The following CCSER1 variants were observed in gnomAD, a reference collection of about 807,000 sequenced individuals.
The protein encoded by CCSER1 is serine-rich coiled-coil domain-containing protein 1.
A neutral mutation model predicts 82.0 loss-of-function variants in CCSER1; 41 were observed. That is an observed-to-expected ratio of 0.50 (90% CI 0.39 to 0.65). CCSER1 has a LOEUF of 0.65. CCSER1 is among the 30% of genes least tolerant of loss of function. The pLI, the probability that CCSER1 is intolerant of heterozygous loss-of-function variation, is 0.00. For synonymous variants in CCSER1, 414 were observed against 383.9 expected, an observed-to-expected ratio of 1.08 and a Z score of -0.92; for missense variants, 1,119 against 1,064.2, an observed-to-expected ratio of 1.05 and a Z score of -0.72.
intron 10 of CCSER1, among the ~76,000 whole-genome samples, chr4:91,388,286 T>G (rs1453674308): frequency 1.3e-5 from 2 of 152,094 alleles, no homozygotes; most frequent in Non-Finnish European, 2.9e-5. Flanking sequence ...TGTCTTAATT[T>G]TATAAATAAG....
chr4:90,279,700 C>T (rs182146214), intron 1 of CCSER1, among the ~76,000 whole-genome samples: 200 of 152,112 alleles, frequency 1.3e-3, no homozygotes, highest in African/African-American at 4.7e-3. Flanking sequence ...GAGAGCCTTA[C>T]AGTCATACCT....
At chr4:91,385,484 T>A (rs1751226879) in intron 10 of CCSER1, among the ~76,000 whole-genome samples, 1 of 151,976 alleles carries the variant, frequency 6.6e-6, no homozygotes. Context: ...TGACTATGCT[T>A]TTCTGCATTG....
chr4:91,175,825 T>A (rs1204763875), intron 10 of CCSER1, among the ~76,000 whole-genome samples: 1 of 152,226 alleles, frequency 6.6e-6, no homozygotes, highest in Non-Finnish European at 1.5e-5. Flanking sequence ...GCTCTTTAGT[T>A]TAATTAGATC....
At chr4:90,784,368 A>G (rs1754194671) in intron 7 of CCSER1, among the ~76,000 whole-genome samples, 1 of 152,218 alleles carries the variant, frequency 6.6e-6, no homozygotes, top group African/African-American at 2.4e-5. Flanking sequence ...TCATAAATGC[A>G]TATGCTGATT....
chr4:91,521,560 A>G (rs1760472991), intron 10 of CCSER1, among the ~76,000 whole-genome samples: 1 of 152,088 alleles, frequency 6.6e-6, no homozygotes, highest in African/African-American at 2.4e-5. Flanking sequence ...TGACTTTTTA[A>G]TGATCACCAT....
intron 10 of CCSER1, among the ~76,000 whole-genome samples, chr4:91,266,572 A>C (rs1046378940): frequency 6.6e-6 from 1 of 152,010 alleles, no homozygotes; most frequent in Non-Finnish European, 1.5e-5. Context: ...TTTGAGGAAG[A>C]CGCTTTCCTG....
At chr4:91,032,014 TCA>T in intron 9 of CCSER1, among the ~76,000 whole-genome samples, 1 of 152,218 alleles carries the variant, frequency 6.6e-6, no homozygotes, top group South Asian at 2.1e-4. Context: ...AGCTATTTTG[TCA>T]CTTCAACCAG....
At position 90,705,757 on chromosome 4, in the gene CCSER1, G is replaced by A. The variant is rs561344165; in HGVS notation, c.1933-18157G>A. On this transcript the variant is annotated intron_variant, in intron 6 of 10. Coordinates refer to ENST00000509176, the MANE Select transcript of CCSER1 (RefSeq NM_001145065.2). Reference sequence around the variant, plus strand: ...TAGCAATGAGCGAGGCTCCATGGTCGTGGGACCCTCCGAGCCAGGCTCAGA... The same window carrying A: ...TAGCAATGAGCGAGGCTCCATGGTCATGGGACCCTCCGAGCCAGGCTCAGA... Among the ~76,000 whole-genome samples the A allele has an allele frequency of 7.9e-5, 12 of 152,338 alleles. No homozygotes were observed. In the East Asian group the frequency reaches 1.4e-3, roughly 17 times the overall value.
chr4:91,596,802 G>C (rs925586219), intron 10 of CCSER1, among the ~76,000 whole-genome samples: 1 of 151,884 alleles, frequency 6.6e-6, no homozygotes, highest in African/African-American at 2.4e-5. Flanking sequence ...ATTCACAGAG[G>C]GGGGTCTGCT....
At chr4:90,616,680 GTC>G (rs1236323999) in intron 5 of CCSER1, among the ~76,000 whole-genome samples, 23 of 120,964 alleles carry the variant, frequency 1.9e-4, no homozygotes, top group South Asian at 2.8e-4. Flanking sequence ...GTGTGGCTCT[GTC>G]TCACACACAC....
intron 3 of CCSER1, among the ~76,000 whole-genome samples, chr4:90,375,290 A>G (rs1177210157): frequency 1.3e-5 from 2 of 152,160 alleles, no homozygotes; most frequent in East Asian, 3.8e-4. Context: ...TCTGTGTTGG[A>G]TTTAATAAAA....
chr4:90,547,654 A>G (rs1253755303), intron 5 of CCSER1, among the ~76,000 whole-genome samples: 2 of 152,158 alleles, frequency 1.3e-5, no homozygotes, highest in Non-Finnish European at 2.9e-5. Flanking sequence ...TCAGAAAATA[A>G]CATTCTAAGG....
intron 9 of CCSER1, among the ~76,000 whole-genome samples, chr4:91,075,811 T>G (rs775020705): frequency 3.9e-5 from 6 of 152,144 alleles, no homozygotes; most frequent in Non-Finnish European, 8.8e-5. Flanking sequence ...ATGTTATTTC[T>G]TAGTTAGTTG....
chr4:91,098,259 T>G (rs1007577210), intron 10 of CCSER1, among the ~76,000 whole-genome samples: 4 of 152,214 alleles, frequency 2.6e-5, no homozygotes, highest in African/African-American at 4.8e-5. Flanking sequence ...GTTTATCTTT[T>G]GAGGAATTAA....
chr4:90,440,945 AT>A (rs1467718720), intron 4 of CCSER1, among the ~76,000 whole-genome samples: 1 of 151,872 alleles, frequency 6.6e-6, no homozygotes, highest in Non-Finnish European at 1.5e-5. Flanking sequence ...AGCTTCGAGG[AT>A]TTTCTTCTGA....
chr4:90,854,513 G>A (rs1450234185), intron 8 of CCSER1, among the ~76,000 whole-genome samples: 1 of 152,130 alleles, frequency 6.6e-6, no homozygotes, highest in East Asian at 1.9e-4. Flanking sequence ...CTGCTTTCAG[G>A]AAATGATTTT....
chr4:91,252,585 G>C (rs543447772), intron 10 of CCSER1, among the ~76,000 whole-genome samples: 4 of 152,204 alleles, frequency 2.6e-5, no homozygotes, highest in Non-Finnish European at 4.4e-5. Flanking sequence ...TTCTACATAA[G>C]TTTAATGACT....
chr4:91,090,385 C>T (rs182472629), intron 10 of CCSER1, among the ~76,000 whole-genome samples: 90 of 152,270 alleles, frequency 5.9e-4, no homozygotes, highest in African/African-American at 1.9e-3. Flanking sequence ...CTCAAACAGT[C>T]TGCAATTTTG....
intron 8 of CCSER1, among the ~76,000 whole-genome samples, chr4:90,853,137 CCTT>C (rs1035871427): frequency 2.5e-4 from 38 of 152,038 alleles, no homozygotes; most frequent in South Asian, 8.3e-4. Context: ...GATGTAGAGT[CCTT>C]CTTCTACCTC....
Sources: gnomAD v4.1 joint callset for allele counts (sites outside exome capture counted in the v4.1 genomes callset) on GRCh38, gnomAD v4.1.1 for gene constraint, MANE v1.5 for transcripts, NCBI Gene and HGNC (gene_info 2026-07-23, HGNC 2026-07-21) for gene names.